THSD4: variants seen among roughly 807,000 people sequenced by gnomAD.
THSD4 encodes thrombospondin type 1 domain containing 4.
A neutral mutation model predicts 119.0 loss-of-function variants in THSD4; 69 were observed. The ratio of observed to expected loss-of-function variants is 0.58; its 90% CI spans 0.48 to 0.71. The LOEUF (loss-of-function observed/expected upper bound fraction) is 0.71, where lower values mean the gene tolerates loss of function less well. Ranked by LOEUF, THSD4 falls within the 30% of genes least tolerant of loss-of-function variation. The pLI is 0.00. For synonymous variants in THSD4, 524 were observed against 540.4 expected (o/e 0.97, Z 0.42); for missense variants, 1,393 against 1,391.1 (o/e 1.00, Z -0.02).
chr15:71,640,728 G>A (rs897438165), intron 7 of THSD4, among the ~76,000 whole-genome samples: 6 of 152,026 alleles, frequency 3.9e-5, no homozygotes, highest in African/African-American at 1.5e-4. Context: ...CCATGAAGCG[G>A]TCTCTGAACT....
At chr15:71,493,063 G>A (rs1206846644) in intron 7 of THSD4, among the ~76,000 whole-genome samples, 3 of 152,174 alleles carry the variant, frequency 2.0e-5, no homozygotes, top group Non-Finnish European at 4.4e-5. Flanking sequence ...ATACTTCAGA[G>A]CCATATGGTT....
At chr15:71,332,912 TCATCAGCTA>T (rs2045444448) in intron 6 of THSD4, among the ~76,000 whole-genome samples, 1 of 146,104 alleles carries the variant, frequency 6.8e-6, no homozygotes. Context: ...TTTTTTTAGT[TCATCAGCTA>T]TTGTTAGTGT....
In THSD4 at chr15:71,414,276, A is replaced by G. The variant is rs554709361; in HGVS notation, c.1152+2453A>G. On this transcript the variant is annotated intron_variant, in intron 7 of 17. Transcript: ENST00000261862. ...GGCATTTATTAGTATCACTGCATAT[A>G]CCTACATATATACCATTGTACTTGG... is the stretch of plus-strand genomic sequence containing the variant. Among the ~76,000 whole-genome samples the G allele has an allele frequency of 1.0e-3, 154 of 152,360 alleles. 5 individuals are homozygous for G. The South Asian group carries it at 0.028, about 28-fold the overall frequency.
At chr15:71,390,849 CTTTTTTTTTT>C (rs1010882999) in intron 6 of THSD4, among the ~76,000 whole-genome samples, 3 of 90,878 alleles carry the variant, frequency 3.3e-5, no homozygotes, top group Admixed American at 1.4e-4. Flanking sequence ...TTGGCTAAAT[CTTTTTTTTTT>C]TTTTTTTTTT....
At chr15:71,230,447 G>T (rs929359141) in intron 4 of THSD4, among the ~76,000 whole-genome samples, 1 of 152,250 alleles carries the variant, frequency 6.6e-6, no homozygotes, top group Non-Finnish European at 1.5e-5. Flanking sequence ...CTTCAGGGCA[G>T]TGCAGCCGTC....
At chr15:71,190,574 C>G (rs1289911199) in intron 3 of THSD4, among the ~76,000 whole-genome samples, 1 of 152,180 alleles carries the variant, frequency 6.6e-6, no homozygotes, top group South Asian at 2.1e-4. Flanking sequence ...ATTCCCCTTG[C>G]AGAGCATCCC....
At chr15:71,623,456 C>T (rs1056982025) in intron 7 of THSD4, among the ~76,000 whole-genome samples, 3 of 152,204 alleles carry the variant, frequency 2.0e-5, no homozygotes, top group African/African-American at 7.2e-5. Context: ...GAGCCAAGAT[C>T]TTGACCTACG....
At chr15:71,210,207 G>A (rs1050852192) in intron 3 of THSD4, among the ~76,000 whole-genome samples, 3 of 152,120 alleles carry the variant, frequency 2.0e-5, no homozygotes, top group East Asian at 1.9e-4. Context: ...GAACTGTTAC[G>A]AATTTTTTGA....
intron 7 of THSD4, among the ~76,000 whole-genome samples, chr15:71,643,104 G>A (rs562907683): frequency 1.3e-3 from 204 of 152,152 alleles, no homozygotes; most frequent in African/African-American, 4.6e-3. Context: ...TCCTCTTGGG[G>A]TACTGGGAGG....
chr15:71,212,253 A>G (rs1375697142), intron 3 of THSD4, among the ~76,000 whole-genome samples: 1 of 152,158 alleles, frequency 6.6e-6, no homozygotes, highest in African/African-American at 2.4e-5. Context: ...ATTCTGGAGC[A>G]TGTGGTTAGT....
At chr15:71,485,274 A>G (rs1178100795) in intron 7 of THSD4, among the ~76,000 whole-genome samples, 2 of 152,136 alleles carry the variant, frequency 1.3e-5, no homozygotes, top group Non-Finnish European at 2.9e-5. Context: ...TTAAGAAATG[A>G]GTTCTAGGCC....
chr15:71,474,746 G>C (rs2047633358), intron 7 of THSD4, among the ~76,000 whole-genome samples: 1 of 152,160 alleles, frequency 6.6e-6, no homozygotes, highest in South Asian at 2.1e-4. Flanking sequence ...AGGGAGGAGA[G>C]TGAGGTTGGG....
intron 7 of THSD4, among the ~76,000 whole-genome samples, chr15:71,491,174 A>G (rs748122169): frequency 6.6e-6 from 1 of 152,220 alleles, no homozygotes; most frequent in Non-Finnish European, 1.5e-5. Context: ...ATGTGAAAAC[A>G]TGCCCTTTTC....
intron 8 of THSD4, among the ~76,000 whole-genome samples, chr15:71,709,533 G>A (rs181492588): frequency 2.0e-5 from 3 of 152,278 alleles, no homozygotes; most frequent in South Asian, 2.1e-4. Flanking sequence ...TATAGATGAC[G>A]TAGATCAGCC....
intron 7 of THSD4, among the ~76,000 whole-genome samples, chr15:71,580,159 A>T (rs2049531298): frequency 6.6e-6 from 1 of 152,152 alleles, no homozygotes; most frequent in Non-Finnish European, 1.5e-5. Context: ...AGGAGAGGAA[A>T]ATTATTTCAG....
chr15:71,530,772 A>T (rs1470528346), intron 7 of THSD4, among the ~76,000 whole-genome samples: 1 of 151,340 alleles, frequency 6.6e-6, no homozygotes, highest in African/African-American at 2.4e-5. Flanking sequence ...ACCAGAAAAC[A>T]TGGGTTGATA....
chr15:71,365,609 C>G (rs2045951572), intron 6 of THSD4, among the ~76,000 whole-genome samples: 2 of 152,004 alleles, frequency 1.3e-5, no homozygotes, highest in African/African-American at 4.8e-5. Context: ...CTCTTGCTTC[C>G]TTGGGAGGCC....
chr15:71,208,808 G>A (rs773211987), intron 3 of THSD4, among the ~76,000 whole-genome samples: 2 of 152,074 alleles, frequency 1.3e-5, no homozygotes, highest in Non-Finnish European at 2.9e-5. Flanking sequence ...CACCGTGCCA[G>A]GCTCTGGATG....
At chr15:71,334,468 A>G (rs1366255416) in intron 6 of THSD4, among the ~76,000 whole-genome samples, 1 of 152,222 alleles carries the variant, frequency 6.6e-6, no homozygotes, top group Non-Finnish European at 1.5e-5. Flanking sequence ...CTGAGTGCTT[A>G]CTAAACATCC....
Sources: allele counts gnomAD v4.1 joint callset (sites outside exome capture counted in the v4.1 genomes callset), GRCh38; gene constraint gnomAD v4.1.1; transcripts MANE v1.5; gene names NCBI Gene and HGNC (gene_info 2026-07-23, HGNC 2026-07-21).